Variants in TRAF7 observed in about 807,000 individuals in gnomAD.
TRAF7 encodes TNF receptor associated factor 7, also known as E3 ubiquitin-protein ligase TRAF7.
TRAF7 carries 45 observed loss-of-function variants against 89.3 expected under a neutral mutation model. That is an observed-to-expected ratio of 0.50 (90% CI 0.40 to 0.65). The LOEUF (loss-of-function observed/expected upper bound fraction) is 0.65, where lower values mean the gene tolerates loss of function less well. Ranked by LOEUF, TRAF7 falls within the 30% of genes least tolerant of loss-of-function variation. TRAF7 has a pLI of 0.00. For missense variants in TRAF7, 677 were observed against 918.1 expected, an observed-to-expected ratio of 0.74 and a Z score of 3.39; for synonymous variants, 406 against 369.2, an observed-to-expected ratio of 1.10 and a Z score of -1.14.
chr16:2,175,064 A>G (rs528531013), intron 14 of TRAF7, 47 bp from the exon 15 acceptor site: 31 of 1,613,140 alleles, frequency 1.9e-5, no homozygotes, highest in Non-Finnish European at 2.4e-5. Context: ...CGGTGTCAGC[A>G]TGGACACAGC....
At position 2,168,013 on chromosome 16, in the gene TRAF7, G is replaced by A. The variant is rs757611472; in HGVS notation, c.140-64G>A. The A allele has an allele frequency of 1.9e-5, 28 of 1,510,196 alleles. No homozygotes were observed. Among genetic ancestry groups the A allele is most frequent in the African/African-American group, 2.7e-5 (2 of 72,970 alleles). The allele number at this position is 1,510,196 out of a possible 1,614,324, so 93.5% of individuals were successfully genotyped here. A position where few individuals can be genotyped will look rare whatever the true frequency, so the allele number is the denominator to read the frequency against. ...CCACAGGGTCGGGTATCCAGCATGGGCCCCACCTCCCCCACATCTGCTGAG... is the reference window on the plus strand; with the variant it reads ...CCACAGGGTCGGGTATCCAGCATGGACCCCACCTCCCCCACATCTGCTGAG... On this transcript the variant is annotated intron_variant, in intron 3 of 20. Coordinates refer to ENST00000326181, the MANE Select transcript of TRAF7 (RefSeq NM_032271.3). The surrounding 1 kb of genome is among the most constrained non-coding windows in gnomAD (Gnocchi z 4.1).
Position 2,177,254 on chromosome 16 carries a change from A to T in TRAF7, c.*680A>T, listed in dbSNP as rs1409836960. The T allele has an allele frequency of 4.1e-6, 1 of 241,122 alleles. No individual in the cohort carries two copies. The highest frequency in any genetic ancestry group is 8.2e-6 in the Non-Finnish European group (1 of 121,894). 14.9% of individuals were successfully genotyped at this position (241,122 alleles called of 1,614,324 possible). ...CTCCCCTGCCCACCTGCTGGAGCCC[A>T]GCCTGTGCCGCCCTCTGAGGAGAGG... On this transcript the variant is annotated 3_prime_UTR_variant, in exon 21 of 21. Transcript: ENST00000326181.
rs753998065 is a variant in TRAF7 at position 2,171,308 on chromosome 16, T to C, written c.393T>C (p.Cys131=). ...FAEQPSVKLC[C]QLCCSVFKDP... ...AGCAGCCCTCGGTGAAGCTGTGCTG[T>C]CAGCTCTGCTGCAGCGTCTTCAAAG... The change falls in exon 6 of 21, where the codon TGT becomes TGC. Residue 131 remains cysteine, a synonymous_variant. Coordinates refer to ENST00000326181, the MANE Select transcript of TRAF7 (RefSeq NM_032271.3). 4.5e-6 allele frequency: 7 copies of C among 1,556,124 alleles called. No individual in the cohort carries two copies. Among genetic ancestry groups the C allele is most frequent in the Non-Finnish European group, 6.1e-6 (7 of 1,150,390 alleles).
rs2141280323 is a variant in TRAF7 at position 2,168,421 on chromosome 16, G to A, written c.231+253G>A. ...AGAGGGCCTGGCACCTGCAGGCCAG[G>A]ATGAGGCATATTTGGCTCCATCTTA... On this transcript the variant is annotated intron_variant, in intron 4 of 20. Transcript: ENST00000326181. This position sits in a 1 kb window ranked among gnomAD's most constrained non-coding sequence, Gnocchi z 4.1. 1 of 476,750 alleles carries A rather than the reference G, an allele frequency of 2.1e-6. No homozygotes were observed. The highest frequency in any genetic ancestry group is 3.8e-6 in the Non-Finnish European group (1 of 263,248). The allele number at this position is 476,750 out of a possible 1,614,324, so 29.5% of individuals were successfully genotyped here.
rs1275952707 is a variant in TRAF7 at position 2,172,562 on chromosome 16, G to C, written c.757G>C (p.Glu253Gln). The C allele has an allele frequency of 6.4e-7, 1 of 1,561,584 alleles. No individual in the cohort carries two copies. Among genetic ancestry groups the C allele is most frequent in the Non-Finnish European group, 8.7e-7 (1 of 1,153,416 alleles). The part of the protein sequence containing the change: ...LRMNLEAHLK[E>Q]CEHIKCPHSK... ...GATGAACCTGGAGGCCCACCTCAAG[G>C]AGTGCGAGCACATCAAATGCCCCCA... The change falls in exon 9 of 21, where the codon GAG (glutamate) becomes CAG (glutamine). Residue 253 changes from glutamate (E) to glutamine (Q), a missense_variant. Physicochemically the swap from Glu to Gln is conservative, Grantham distance 29. Transcript: ENST00000326181.
At chr16:2,170,484 A>G in intron 4 of TRAF7, 130 bp from the exon 5 acceptor site, 1 of 657,048 alleles carries the variant, frequency 1.5e-6, no homozygotes, top group Non-Finnish European at 2.7e-6. Flanking sequence ...GGACGAGGAG[A>G]GTACCCGCAG....
chr16:2,171,498 G>T, intron 6 of TRAF7, 74 bp from the exon 7 acceptor site: 4 of 1,604,938 alleles, frequency 2.5e-6, no homozygotes, highest in Non-Finnish European at 3.4e-6. Flanking sequence ...AGCGAGGCCT[G>T]TGGCTGCCAT....
At position 2,176,626 on chromosome 16, in the gene TRAF7, G is replaced by A. The variant is rs748258746; in HGVS notation, c.*52G>A. 12 of 1,612,962 alleles carry A rather than the reference G, an allele frequency of 7.4e-6. No individual in the cohort carries two copies. The South Asian group carries it at 7.7e-5, about 10-fold the overall frequency. On this transcript the variant is annotated 3_prime_UTR_variant, in exon 21 of 21. Coordinates refer to ENST00000326181, the MANE Select transcript of TRAF7 (RefSeq NM_032271.3). ...CCCTGAACCAGCCCTGGACCTTTCTGAGCCAGGCTGGCCACATGGGGTGGT... is the reference window on the plus strand; with the variant it reads ...CCCTGAACCAGCCCTGGACCTTTCTAAGCCAGGCTGGCCACATGGGGTGGT...
intron 8 of TRAF7, 39 bp from the exon 9 acceptor site, chr16:2,172,426 G>C (rs760274832): frequency 1.8e-5 from 29 of 1,610,500 alleles, no homozygotes; most frequent in Non-Finnish European, 2.1e-5. Flanking sequence ...GCTTCTCAGG[G>C]CTCTGGCTGA....
At chr16:2,164,159 T>TGCGTGC (rs2093069721) in intron 2 of TRAF7, among the ~76,000 whole-genome samples, 158 bp downstream of exon 2, 1 of 126,078 alleles carries the variant, frequency 7.9e-6, no homozygotes, top group Non-Finnish European at 1.7e-5. Context: ...TGTGTGTGTG[T>TGCGTGC]GCGCGCGCGC....
chr16:2,164,127 G>GC, intron 2 of TRAF7, 126 bp downstream of exon 2: 1 of 613,682 alleles, frequency 1.6e-6, no homozygotes, highest in Non-Finnish European at 2.6e-6. Flanking sequence ...GGAGCTCGGT[G>GC]GGGGGGGGTG....
At chr16:2,172,441 T>C in intron 8 of TRAF7, 24 bp from the exon 9 acceptor site, 1 of 1,610,372 alleles carries the variant, frequency 6.2e-7, no homozygotes, top group Non-Finnish European at 8.5e-7. Context: ...GGCTGAGGCC[T>C]CCCCGCATCC....
chr16:2,166,496 C>G (rs978139154), intron 3 of TRAF7, among the ~76,000 whole-genome samples: 3 of 152,150 alleles, frequency 2.0e-5, no homozygotes, highest in Admixed American at 2.0e-4. Context: ...GCAACCTGTG[C>G]CTCCTGGGAT....
At position 2,163,878 on chromosome 16, in the gene TRAF7, C is replaced by T; in HGVS notation, c.-38-5C>T. The T allele has an allele frequency of 4.5e-6, 7 of 1,570,458 alleles. No homozygotes were observed. Among genetic ancestry groups the T allele is most frequent in the Non-Finnish European group, 6.1e-6 (7 of 1,146,326 alleles). ...TCAAGCCCCTCATTTGTGCTCCACC[C>T]ACAGGAGGTGCTTCCCAAGGACCGT... On this transcript the variant is annotated splice_polypyrimidine_tract_variant and splice_region_variant and intron_variant, in intron 1 of 20. Transcript: ENST00000326181. The surrounding 1 kb of genome is among the most constrained non-coding windows in gnomAD (Gnocchi z 4.3).
intron 20 of TRAF7, 66 bp from the exon 21 acceptor site, chr16:2,176,494 G>A: frequency 1.2e-6 from 2 of 1,613,018 alleles, no homozygotes; most frequent in South Asian, 1.1e-5. Flanking sequence ...GGTACGTGTG[G>A]CAGGTGTGGC....
intron 7 of TRAF7, 86 bp downstream of exon 7, chr16:2,171,691 C>T: frequency 6.3e-7 from 1 of 1,595,828 alleles, no homozygotes; most frequent in South Asian, 1.1e-5. Context: ...TTGTCCCCTG[C>T]ACAGCGTCCG....
In TRAF7 at chr16:2,168,088, A is replaced by G; in HGVS notation, c.151A>G (p.Ser51Gly). Residue 51 changes from serine to glycine, a missense_variant, in exon 4 of 21, where the codon AGC becomes GGC. Around this residue, in one of 6 missense-constraint regions of TRAF7, gnomAD observed 240 missense variants for 191.9 expected, o/e 1.25. Transcript: ENST00000326181. The surrounding 1 kb of genome is among the most constrained non-coding windows in gnomAD (Gnocchi z 4.1). ...CTCTTGCCTTGCAGCTGACGGGACCAGCACCTACAAGCAGCACTGCAGGAC... is the reference window on the plus strand; with the variant it reads ...CTCTTGCCTTGCAGCTGACGGGACCGGCACCTACAAGCAGCACTGCAGGAC... ...VTTITKADGTSTYKQHCRTPS... is the reference protein window; with the variant it reads ...VTTITKADGTGTYKQHCRTPS... 2 of 1,611,696 alleles carry G rather than the reference A, an allele frequency of 1.2e-6. No individual in the cohort carries two copies. Among genetic ancestry groups the G allele is most frequent in the Non-Finnish European group, 1.7e-6 (2 of 1,179,832 alleles).
Position 2,170,700 on chromosome 16 carries a change from A to G in TRAF7, c.318A>G (p.Thr106=). 2 of 1,606,780 alleles carry G rather than the reference A, an allele frequency of 1.2e-6. No homozygotes were observed. Among genetic ancestry groups the G allele is most frequent in the Non-Finnish European group, 1.7e-6 (2 of 1,177,094 alleles). ...HSESSMSLRS[T]FSLPEEEEEP... ...AGTCCAGCATGTCTCTGCGCTCCAC[A>G]TTCTCACTGCCCGAGGAGGAGGAGG... The change falls in exon 5 of 21, where the codon ACA becomes ACG. Residue 106 remains threonine, a synonymous_variant. Coordinates refer to ENST00000326181, the MANE Select transcript of TRAF7 (RefSeq NM_032271.3).
At position 2,168,189 on chromosome 16, in the gene TRAF7, G is replaced by T; in HGVS notation, c.231+21G>T. The T allele has an allele frequency of 6.3e-7, 1 of 1,589,026 alleles. No homozygotes were observed. Among genetic ancestry groups the T allele is most frequent in the Non-Finnish European group, 8.6e-7 (1 of 1,168,266 alleles). The stretch of plus-strand genomic sequence containing the variant: ...GCATGGTAGGTCCCTACCCCCAGGA[G>T]CCCGTGTGAGCCTCAGCCTCCCCCC... On this transcript the variant is annotated intron_variant, in intron 4 of 20. Transcript: ENST00000326181. The surrounding 1 kb of genome is among the most constrained non-coding windows in gnomAD (Gnocchi z 4.1).
Sources: allele counts gnomAD v4.1 joint callset (sites outside exome capture counted in the v4.1 genomes callset), GRCh38; gene constraint gnomAD v4.1.1; regional missense constraint gnomAD v4.1.1; non-coding constraint Gnocchi (gnomAD v3.1); transcripts MANE v1.5; gene names NCBI Gene and HGNC (gene_info 2026-07-23, HGNC 2026-07-21).